The following CHLSN variants were observed in gnomAD, a reference collection of about 807,000 sequenced individuals.
CHLSN encodes the protein protein cholesin.
At chr7:1,016,827 G>GCACGCCAGCA in the CHLSN span, among the ~76,000 whole-genome samples, 317 of 58,932 alleles carry the variant, frequency 5.4e-3, 6 homozygotes, top group African/African-American at 0.033. Flanking sequence ...GCACAGCAGC[G>GCACGCCAGCA]CACAGCAGCG....
chr7:1,082,452 G>C, the CHLSN span, among the ~76,000 whole-genome samples: 1 of 152,246 alleles, frequency 6.6e-6, no homozygotes, highest in African/African-American at 2.4e-5. Context: ...GAGTTACTCA[G>C]AGCAGGGGAT....
chr7:1,129,466 C>T, the CHLSN span, among the ~76,000 whole-genome samples: 6 of 95,298 alleles, frequency 6.3e-5, no homozygotes, highest in East Asian at 2.1e-4. Flanking sequence ...GGCGCCATCT[C>T]GGCTCATCCC....
At chr7:1,090,335 G>A in the CHLSN span, among the ~76,000 whole-genome samples, 1 of 152,192 alleles carries the variant, frequency 6.6e-6, no homozygotes, top group Non-Finnish European at 1.5e-5. Flanking sequence ...TGAGACCCCC[G>A]TGGCCCGCTG....
At chr7:1,016,929 GCAGCACACGCCAGCA>G in the CHLSN span, among the ~76,000 whole-genome samples, 22 of 101,790 alleles carry the variant, frequency 2.2e-4, no homozygotes, top group East Asian at 5.0e-4. Context: ...GCAGCACACA[GCAGCACACGCCAGCA>G]CACGCCAGCG....
the CHLSN span, chr7:1,057,620 G>C: frequency 2.6e-6 from 2 of 769,642 alleles, no homozygotes; most frequent in South Asian, 2.7e-5. Flanking sequence ...TGGGCCTGGT[G>C]GTGGGCGTGC....
At chr7:1,119,939 T>C in the CHLSN span, among the ~76,000 whole-genome samples, 9 of 151,848 alleles carry the variant, frequency 5.9e-5, no homozygotes, top group Middle Eastern at 6.9e-3. Flanking sequence ...TATCTTTCTT[T>C]TAGAACAAAA....
the CHLSN span, chr7:1,059,188 G>A: frequency 1.5e-4 from 25 of 167,826 alleles, no homozygotes; most frequent in African/African-American, 6.0e-4. Flanking sequence ...GTTTTTTTCA[G>A]TATGAACCTG....
At chr7:1,062,186 A>C in the CHLSN span, among the ~76,000 whole-genome samples, 1 of 152,300 alleles carries the variant, frequency 6.6e-6, no homozygotes, top group South Asian at 2.1e-4. Context: ...AAGATTCCAG[A>C]AAGGGAGTTT....
the CHLSN span, among the ~76,000 whole-genome samples, chr7:998,637 G>T: frequency 6.6e-6 from 1 of 151,906 alleles, no homozygotes; most frequent in Non-Finnish European, 1.5e-5. Context: ...TAGAGACGGG[G>T]TTTTTGCCAT....
At chr7:1,098,965 G>A in the CHLSN span, among the ~76,000 whole-genome samples, 2 of 152,236 alleles carry the variant, frequency 1.3e-5, no homozygotes, top group Non-Finnish European at 2.9e-5. Flanking sequence ...TCAGAAGAGT[G>A]GATTTCTGCT....
chr7:990,995 T>C, the CHLSN span, among the ~76,000 whole-genome samples: 1 of 151,496 alleles, frequency 6.6e-6, no homozygotes, highest in Non-Finnish European at 1.5e-5. Context: ...CCCAACTTAG[T>C]CGGCCTCCTG....
chr7:1,061,262 C>A, the CHLSN span, among the ~76,000 whole-genome samples: 6 of 152,144 alleles, frequency 3.9e-5, no homozygotes, highest in African/African-American at 1.4e-4. Context: ...GCTGGGTGGC[C>A]CTGTGGAGGG....
At chr7:996,771 G>A in the CHLSN span, among the ~76,000 whole-genome samples, 5 of 152,350 alleles carry the variant, frequency 3.3e-5, no homozygotes, top group East Asian at 1.9e-4. Context: ...GATTCTGTGC[G>A]GCCTAAGTGT....
At chr7:999,111 A>G in the CHLSN span, among the ~76,000 whole-genome samples, 1 of 152,220 alleles carries the variant, frequency 6.6e-6, no homozygotes, top group African/African-American at 2.4e-5. Flanking sequence ...ACACATATAA[A>G]TGGCTAACCA....
chr7:1,054,786 G>A, the CHLSN span, among the ~76,000 whole-genome samples: 1 of 152,226 alleles, frequency 6.6e-6, no homozygotes, highest in East Asian at 1.9e-4. Flanking sequence ...CCATGCCCAT[G>A]TCCCTTCTGT....
At chr7:1,099,106 G>A in the CHLSN span, among the ~76,000 whole-genome samples, 1 of 138,652 alleles carries the variant, frequency 7.2e-6, no homozygotes, top group South Asian at 2.3e-4. Context: ...TCCCCTTCCG[G>A]AGCCTCGCTG....
At chr7:1,077,204 G>A in the CHLSN span, among the ~76,000 whole-genome samples, 1 of 152,198 alleles carries the variant, frequency 6.6e-6, no homozygotes, top group African/African-American at 2.4e-5. Flanking sequence ...CGCCCAGGCT[G>A]GAGTGCAGTG....
the CHLSN span, among the ~76,000 whole-genome samples, chr7:1,005,589 A>C: frequency 5.0e-4 from 76 of 152,310 alleles, no homozygotes; most frequent in African/African-American, 1.8e-3. Flanking sequence ...AGGGAAGGAC[A>C]CCCAAGAAGT....
the CHLSN span, among the ~76,000 whole-genome samples, chr7:1,052,826 G>T: frequency 1.3e-5 from 2 of 152,162 alleles, no homozygotes; most frequent in Non-Finnish European, 2.9e-5. The surrounding 1 kb of genome is among the most constrained non-coding windows in gnomAD (Gnocchi z 4.2). Flanking sequence ...CATGGGGTTG[G>T]GGGGCAGGCG....
Sources: allele counts gnomAD v4.1 joint callset (sites outside exome capture counted in the v4.1 genomes callset), GRCh38; gene constraint gnomAD v4.1.1; non-coding constraint Gnocchi (gnomAD v3.1); transcripts MANE v1.5; gene names NCBI Gene and HGNC (gene_info 2026-07-23, HGNC 2026-07-21).